The following NGF variants were observed in gnomAD, a reference collection of about 807,000 sequenced individuals.
NGF encodes the protein beta-nerve growth factor.
A neutral mutation model predicts 12.8 loss-of-function variants in NGF; 4 were observed. The ratio of observed to expected loss-of-function variants is 0.31; its 90% CI spans 0.15 to 0.72. NGF has a LOEUF of 0.72. Among genes scored for constraint, NGF ranks in the 30% least tolerant of loss-of-function variants. The probability of loss-of-function intolerance (pLI) is 0.69; values close to 1 mark genes in which losing one functional copy is unlikely to be tolerated. For synonymous variants in NGF, 140 were observed against 130.0 expected, an observed-to-expected ratio of 1.08 and a Z score of -0.52; for missense variants, 283 against 330.8, an observed-to-expected ratio of 0.86 and a Z score of 1.12.
Position 115,293,290 on chromosome 1 carries a change from G to A in NGF, c.-13+337C>T, listed in dbSNP as rs146034594. Among the ~76,000 whole-genome samples the A allele has an allele frequency of 7.0e-3, 1,064 of 152,222 alleles. 14 individuals are homozygous for A. The highest frequency in any genetic ancestry group is 0.024 in the African/African-American group (1,000 of 41,524). ...AGAGTGGCTGTGAACCTTCCATTTT[G>A]CAAGTTCCCTGCTCAGTCGGACCAG... On this transcript the variant is annotated intron_variant, in intron 2 of 2. Transcript: ENST00000369512.
intron 1 of NGF, among the ~76,000 whole-genome samples, chr1:115,303,049 T>A (rs928678169): frequency 6.6e-6 from 1 of 151,662 alleles, no homozygotes; most frequent in African/African-American, 2.4e-5. Flanking sequence ...TTTGGAGGAA[T>A]AAAAAACAAA....
At chr1:115,307,561 C>T (rs1418772013) in intron 1 of NGF, among the ~76,000 whole-genome samples, 2 of 152,200 alleles carry the variant, frequency 1.3e-5, no homozygotes, top group Non-Finnish European at 2.9e-5. Context: ...TCCTGAATTT[C>T]CCTAGAGAAA....
intron 2 of NGF, among the ~76,000 whole-genome samples, chr1:115,292,024 T>C (rs1653717336): frequency 6.6e-6 from 1 of 152,168 alleles, no homozygotes; most frequent in African/African-American, 2.4e-5. Context: ...TCCTCCTCCA[T>C]CTCATTCGCC....
intron 1 of NGF, among the ~76,000 whole-genome samples, chr1:115,309,949 T>C (rs937239854): frequency 1.3e-5 from 2 of 152,370 alleles, no homozygotes; most frequent in Middle Eastern, 3.4e-3. Context: ...GAAAAAGCTA[T>C]GTGTATGACT....
At position 115,295,340 on chromosome 1, in the gene NGF, C is replaced by G. The variant is rs529518996; in HGVS notation, c.-136-1590G>C. Among the ~76,000 whole-genome samples the G allele has an allele frequency of 2.2e-3, 335 of 152,274 alleles. 1 individual carries two copies. Among genetic ancestry groups the G allele is most frequent in the African/African-American group, 7.7e-3 (320 of 41,562 alleles). On this transcript the variant is annotated intron_variant, in intron 1 of 2. Coordinates refer to ENST00000369512, the MANE Select transcript of NGF (RefSeq NM_002506.3). ...CTTGCTCCAGAAAGTACCAGAAAAACCTTTCAATACTCAATTGGGGTTGAA... is the reference window on the plus strand; with the variant it reads ...CTTGCTCCAGAAAGTACCAGAAAAAGCTTTCAATACTCAATTGGGGTTGAA...
chr1:115,293,812 T>TG (rs572199612), intron 1 of NGF, 62 bp from the exon 2 acceptor site: 2 of 152,608 alleles, frequency 1.3e-5, no homozygotes, highest in South Asian at 4.2e-4. Flanking sequence ...CCCTACACAG[T>TG]GGGGAGGCAT....
intron 1 of NGF, among the ~76,000 whole-genome samples, chr1:115,309,792 C>G (rs1362025095): frequency 6.6e-6 from 1 of 150,760 alleles, no homozygotes; most frequent in Non-Finnish European, 1.5e-5. Flanking sequence ...CCATCATTCT[C>G]AGCAAACTAT....
At chr1:115,289,978 G>T (rs1007145448) in intron 2 of NGF, among the ~76,000 whole-genome samples, 14 of 152,016 alleles carry the variant, frequency 9.2e-5, no homozygotes, top group African/African-American at 3.1e-4. Flanking sequence ...CTGATATCCT[G>T]GACCCTCATC....
At chr1:115,289,561 G>A (rs1283026427) in intron 2 of NGF, among the ~76,000 whole-genome samples, 1 of 152,022 alleles carries the variant, frequency 6.6e-6, no homozygotes, top group African/African-American at 2.4e-5. Flanking sequence ...TGCTTCCTGA[G>A]GGCAATTCTC....
intron 1 of NGF, among the ~76,000 whole-genome samples, chr1:115,323,678 A>C (rs978811905): frequency 2.0e-5 from 3 of 152,212 alleles, no homozygotes; most frequent in Admixed American, 2.0e-4. Context: ...GTAAATTTTC[A>C]TAATGACATT....
intron 1 of NGF, among the ~76,000 whole-genome samples, chr1:115,303,449 TCATCACCACTACTTTCTCCATCAC>T (rs1654099941): frequency 6.6e-6 from 1 of 151,202 alleles, no homozygotes; most frequent in Admixed American, 6.6e-5. Context: ...TCCAACACCA[TCATCACCACTACTTTCTCCATCAC>T]CATCATCACC....
chr1:115,319,270 A>G (rs1654553379), intron 1 of NGF, among the ~76,000 whole-genome samples: 1 of 152,140 alleles, frequency 6.6e-6, no homozygotes. Flanking sequence ...TCTCCATCTC[A>G]TAGCCTTGTC....
At chr1:115,294,951 G>T (rs536717025) in intron 1 of NGF, among the ~76,000 whole-genome samples, 1 of 152,208 alleles carries the variant, frequency 6.6e-6, no homozygotes, top group Non-Finnish European at 1.5e-5. Context: ...ATGAATGAAT[G>T]ATTATGTCCA....
At chr1:115,288,192 C>T (rs1364215002) in intron 2 of NGF, among the ~76,000 whole-genome samples, 1 of 152,132 alleles carries the variant, frequency 6.6e-6, no homozygotes, top group Non-Finnish European at 1.5e-5. Flanking sequence ...ATTGTATGTG[C>T]ATATGTGTGT....
chr1:115,326,096 G>A (rs1490502743), intron 1 of NGF, among the ~76,000 whole-genome samples: 5 of 152,080 alleles, frequency 3.3e-5, no homozygotes, highest in Admixed American at 2.6e-4. Context: ...GATCATCCAG[G>A]AAGAGGGCGA....
rs149519363 is a variant in NGF, at chr1:115,332,192, A to T, written c.-137+6012T>A. ...CAAGCAAACATGGTCATTCTCAAGA[A>T]ATGCCTTATTTAGAGAGCATTGCAT... On this transcript the variant is annotated intron_variant, in intron 1 of 2. Transcript: ENST00000369512. 3.8e-3 allele frequency among the ~76,000 whole-genome samples: 580 copies of T among 152,384 alleles called. 3 individuals are homozygous for T. Among genetic ancestry groups the T allele is most frequent in the African/African-American group, 0.013 (526 of 41,598 alleles).
intron 1 of NGF, among the ~76,000 whole-genome samples, chr1:115,294,213 G>A (rs1016117082): frequency 5.3e-5 from 8 of 152,210 alleles, no homozygotes; most frequent in African/African-American, 9.6e-5. Context: ...AAATGCAGAT[G>A]AGTAATGGTG....
intron 1 of NGF, among the ~76,000 whole-genome samples, chr1:115,332,739 C>T (rs1027505271): frequency 6.6e-6 from 1 of 152,142 alleles, no homozygotes; most frequent in African/African-American, 2.4e-5. Flanking sequence ...AGGAGAGGCC[C>T]TCCTATGTCT....
chr1:115,314,120 G>T (rs1191882780), intron 1 of NGF, among the ~76,000 whole-genome samples: 2 of 152,202 alleles, frequency 1.3e-5, no homozygotes, highest in Non-Finnish European at 2.9e-5. Context: ...TTCTGTAGAA[G>T]TGTAGCAGAA....
Sources: gnomAD v4.1 joint callset for allele counts (sites outside exome capture counted in the v4.1 genomes callset) on GRCh38, gnomAD v4.1.1 for gene constraint, MANE v1.5 for transcripts, NCBI Gene and HGNC (gene_info 2026-07-23, HGNC 2026-07-21) for gene names.